The following UBAC1 variants were observed in gnomAD, a reference collection of about 807,000 sequenced individuals.
UBAC1 encodes ubiquitin-associated domain-containing protein 1.
A neutral mutation model predicts 45.9 loss-of-function variants in UBAC1; 27 were observed. The ratio of observed to expected loss-of-function variants is 0.59; its 90% CI spans 0.43 to 0.81. The LOEUF is 0.81. UBAC1 is among the 30% of genes least tolerant of loss of function. The probability of loss-of-function intolerance (pLI) is 0.00; values close to 1 mark genes in which losing one functional copy is unlikely to be tolerated. For missense variants in UBAC1, 529 were observed against 539.2 expected, an observed-to-expected ratio of 0.98 and a Z score of 0.19; for synonymous variants, 227 against 215.5, an observed-to-expected ratio of 1.05 and a Z score of -0.47.
rs1487833456 is a variant in UBAC1 at position 135,953,719 on chromosome 9, T to C, written c.294A>G (p.Ser98=). Reference sequence around the variant, plus strand: ...AGACATCAGCCATCTTGGGAAGTGGTGATGGAGCACGCTTTTTTATCAATA... The same window carrying C: ...AGACATCAGCCATCTTGGGAAGTGGCGATGGAGCACGCTTTTTTATCAATA... The part of the protein sequence containing the change: ...VLLLIKKRAP[S]PLPKMADVSA... Residue 98 remains serine, a synonymous_variant, in exon 3 of 10, where the codon TCA becomes TCG. Coordinates refer to ENST00000371756, the MANE Select transcript of UBAC1 (RefSeq NM_016172.3). The C allele has an allele frequency of 7.4e-6, 12 of 1,614,010 alleles. No homozygotes were observed. The highest frequency in any genetic ancestry group is 1.0e-5 in the Non-Finnish European group (12 of 1,179,924).
chr9:135,944,189 G>C (rs1247157465), intron 7 of UBAC1, among the ~76,000 whole-genome samples: 1 of 152,208 alleles, frequency 6.6e-6, no homozygotes, highest in Non-Finnish European at 1.5e-5. Flanking sequence ...GTGCAGGGAA[G>C]ACCTGAGCTG....
At chr9:135,939,013 G>C (rs751728072) in intron 8 of UBAC1, among the ~76,000 whole-genome samples, 5 of 152,138 alleles carry the variant, frequency 3.3e-5, no homozygotes, top group African/African-American at 7.2e-5. Flanking sequence ...TTCAAGATCA[G>C]CCTGGGCAAC....
Position 135,949,241 on chromosome 9 carries a change from C to T in UBAC1, c.334-1336G>A, listed in dbSNP as rs148589969. Among the ~76,000 whole-genome samples, 31 of 152,206 alleles carry T rather than the reference C, an allele frequency of 2.0e-4. No individual in the cohort carries two copies. The East Asian group carries it at 5.8e-3, about 28-fold the overall frequency. On this transcript the variant is annotated intron_variant, in intron 3 of 9. Transcript: ENST00000371756. ...ACATGTTACAGCCAGATCAAAGAGGCTACAGAATGCTTAGAAGATAAAATC... is the reference window on the plus strand; with the variant it reads ...ACATGTTACAGCCAGATCAAAGAGGTTACAGAATGCTTAGAAGATAAAATC...
chr9:135,950,676 A>T (rs1839396353), intron 3 of UBAC1, among the ~76,000 whole-genome samples: 2 of 152,204 alleles, frequency 1.3e-5, no homozygotes, highest in African/African-American at 4.8e-5. Context: ...AAGGGAGGAG[A>T]GAGGGAGGTA....
At chr9:135,950,592 C>T (rs1839395573) in intron 3 of UBAC1, among the ~76,000 whole-genome samples, 1 of 152,176 alleles carries the variant, frequency 6.6e-6, no homozygotes, top group Non-Finnish European at 1.5e-5. Context: ...CTATTTTGCT[C>T]ACAGCTGAAA....
chr9:135,953,564 C>T lies in UBAC1; in HGVS notation c.333+116G>A, dbSNP rs981994881. 2.4e-5 allele frequency: 18 copies of T among 746,428 alleles called. No individual in the cohort carries two copies. In the East Asian group the frequency reaches 3.9e-4, roughly 16 times the overall value. 46.2% of individuals were successfully genotyped at this position (746,428 alleles called of 1,614,324 possible). A position where few individuals can be genotyped will look rare whatever the true frequency, so the allele number is the denominator to read the frequency against. On this transcript the variant is annotated intron_variant, in intron 3 of 9. Coordinates refer to ENST00000371756, the MANE Select transcript of UBAC1 (RefSeq NM_016172.3). ...TGATCTCTTGACCTCGTGATCCACC[C>T]GCCTCGGCCTCCCAAAGTGCTGGGA...
In UBAC1 at chr9:135,933,479, G is replaced by A. The variant is rs1839169551; in HGVS notation, c.1139C>T (p.Thr380Ile). ...EDMLENPLNS[T>I]QWMNDPETGP... ...CGTTTCTGGATCATTCATCCACTGG[G>A]TGCTGTTCAGTGGGTTCTCCAGCAT... Residue 380 changes from threonine to isoleucine, a missense_variant, in exon 10 of 10, where the codon ACC (threonine) becomes ATC (isoleucine). Thr to Ile is a moderately conservative substitution (Grantham distance 89). Coordinates refer to ENST00000371756, the MANE Select transcript of UBAC1 (RefSeq NM_016172.3). 1 of 1,614,074 alleles carries A rather than the reference G, an allele frequency of 6.2e-7. No individual in the cohort carries two copies. The highest frequency in any genetic ancestry group is 8.5e-7 in the Non-Finnish European group (1 of 1,180,020).
At position 135,960,685 on chromosome 9, in the gene UBAC1, C is replaced by A. The variant is rs181562003; in HGVS notation, c.138+340G>T. On this transcript the variant is annotated intron_variant, in intron 1 of 9. Transcript: ENST00000371756. ...GACTTCACTCTCCAGGCCTCAGTTT[C>A]CCGATCTGCCCCTACCTCCCTGCGT... Among the ~76,000 whole-genome samples, 23 of 148,406 alleles carry A rather than the reference C, an allele frequency of 1.5e-4. No homozygotes were observed. In the East Asian group the frequency reaches 4.8e-3, roughly 31 times the overall value.
At chr9:135,938,132 T>C in intron 9 of UBAC1, 90 bp downstream of exon 9, 1 of 1,541,432 alleles carries the variant, frequency 6.5e-7, no homozygotes, top group Non-Finnish European at 8.7e-7. Context: ...CGCTGGATCC[T>C]CCGTATCGCC....
At position 135,933,164 on chromosome 9, in the gene UBAC1, C is replaced by T. The variant is rs1037196952; in HGVS notation, c.*236G>A. ...GGAGACGAGGCCATCACTCCACTTC[C>T]CAGTGCGACAACCACTTTTTTGTAA... is the stretch of plus-strand genomic sequence containing the variant. On this transcript the variant is annotated 3_prime_UTR_variant, in exon 10 of 10. Coordinates refer to ENST00000371756, the MANE Select transcript of UBAC1 (RefSeq NM_016172.3). The T allele has an allele frequency of 4.0e-6, 2 of 505,808 alleles. No individual in the cohort carries two copies. The highest frequency in any genetic ancestry group is 3.9e-5 in the African/African-American group (2 of 51,744). 31.3% of individuals were successfully genotyped at this position (505,808 alleles called of 1,614,324 possible).
intron 7 of UBAC1, 109 bp downstream of exon 7, chr9:135,944,919 G>A (rs1005232307): frequency 1.9e-5 from 21 of 1,109,190 alleles, no homozygotes; most frequent in Admixed American, 2.6e-5. Context: ...CCTGGGACAG[G>A]AGCCAGCTCA....
At chr9:135,955,180 G>T in intron 2 of UBAC1, 115 bp downstream of exon 2, 1 of 1,106,864 alleles carries the variant, frequency 9.0e-7, no homozygotes, top group Non-Finnish European at 1.2e-6. Flanking sequence ...TCGTTTTTGT[G>T]CTCGTGTCCA....
intron 6 of UBAC1, 108 bp downstream of exon 6, chr9:135,945,781 T>C: frequency 1.2e-6 from 1 of 818,354 alleles, no homozygotes; most frequent in Non-Finnish European, 2.0e-6. Context: ...ACGTTAGAAA[T>C]GATTCAGTCA....
chr9:135,940,616 A>G (rs1269800292), intron 7 of UBAC1, among the ~76,000 whole-genome samples: 1 of 152,012 alleles, frequency 6.6e-6, no homozygotes, highest in Non-Finnish European at 1.5e-5. Context: ...CTAATTTTTT[A>G]ACTTTTAATA....
intron 3 of UBAC1, among the ~76,000 whole-genome samples, chr9:135,950,274 T>C (rs1408119270): frequency 1.3e-5 from 2 of 152,154 alleles, no homozygotes; most frequent in African/African-American, 4.8e-5. Context: ...ATTTGTTAGG[T>C]GGCAACGGAA....
chr9:135,946,649 C>A (rs1356101058), intron 4 of UBAC1, among the ~76,000 whole-genome samples: 1 of 152,232 alleles, frequency 6.6e-6, no homozygotes, highest in African/African-American at 2.4e-5. Flanking sequence ...AGGAAACCGT[C>A]GGCCCAGCTG....
chr9:135,944,694 G>T (rs1042434191), intron 7 of UBAC1, among the ~76,000 whole-genome samples: 12 of 152,232 alleles, frequency 7.9e-5, no homozygotes, highest in Non-Finnish European at 1.2e-4. Flanking sequence ...GAACAGGGGG[G>T]GCTTGTGGAT....
intron 3 of UBAC1, 115 bp downstream of exon 3, chr9:135,953,565 G>A (rs926543267): frequency 3.7e-5 from 28 of 751,966 alleles, no homozygotes; most frequent in Admixed American, 7.5e-5. Context: ...TGATCCACCC[G>A]CCTCGGCCTC....
At position 135,958,115 on chromosome 9, in the gene UBAC1, C is replaced by T. The variant is rs541578158; in HGVS notation, c.139-2700G>A. Among the ~76,000 whole-genome samples the T allele has an allele frequency of 2.1e-3, 307 of 149,522 alleles. 1 individual carries two copies. The highest frequency in any genetic ancestry group is 6.9e-3 in the African/African-American group (280 of 40,564). On this transcript the variant is annotated intron_variant, in intron 1 of 9. Coordinates refer to ENST00000371756, the MANE Select transcript of UBAC1 (RefSeq NM_016172.3). ...AGGCTGGAGTGCAGTGGCTTGATCT[C>T]GGCTCACTGCAAGTCCCACCTCCCA...
Sources: gnomAD v4.1 joint callset for allele counts (sites outside exome capture counted in the v4.1 genomes callset) on GRCh38, gnomAD v4.1.1 for gene constraint, MANE v1.5 for transcripts, NCBI Gene and HGNC (gene_info 2026-07-23, HGNC 2026-07-21) for gene names.